Variants in FUT8 observed in about 807,000 individuals in gnomAD.
FUT8 encodes alpha-(1,6)-fucosyltransferase.
In FUT8, 29 loss-of-function variants were observed where a neutral mutation model predicts 71.3. The observed-to-expected ratio is 0.41, with a 90% CI of 0.30 to 0.55. The LOEUF (loss-of-function observed/expected upper bound fraction) is 0.55, where lower values mean the gene tolerates loss of function less well. Ranked by LOEUF, FUT8 falls within the 20% of genes least tolerant of loss-of-function variation. The pLI is 0.34. For missense variants in FUT8, 544 were observed against 702.1 expected (o/e 0.77, Z 2.55); for synonymous variants, 254 against 239.3 (o/e 1.06, Z -0.57).
rs1351526423 is a variant in FUT8, at chr14:65,550,586, T to C, written c.-227-10751T>C. On this transcript the variant is annotated intron_variant, in intron 2 of 10. Transcript: ENST00000673929. This position sits in a 1 kb window ranked among gnomAD's most constrained non-coding sequence, Gnocchi z 4.5. Reference sequence around the variant, plus strand: ...AATTGTTAAGTTGAGCCATTGTTAATTTGAGGACCATCTATATGATATTTT... The same window carrying C: ...AATTGTTAAGTTGAGCCATTGTTAACTTGAGGACCATCTATATGATATTTT... Among the ~76,000 whole-genome samples the C allele has an allele frequency of 6.6e-6, 1 of 152,222 alleles. No homozygotes were observed. Among genetic ancestry groups the C allele is most frequent in the Non-Finnish European group, 1.5e-5 (1 of 68,036 alleles).
At chr14:65,477,058 TGAA>T (rs1381776432) in intron 2 of FUT8, among the ~76,000 whole-genome samples, 1 of 152,206 alleles carries the variant, frequency 6.6e-6, no homozygotes, top group African/African-American at 2.4e-5. Context: ...TTGGCACTCT[TGAA>T]GATTCTGAGT....
chr14:65,466,716 C>T (rs1452120178), intron 2 of FUT8, among the ~76,000 whole-genome samples: 1 of 151,970 alleles, frequency 6.6e-6, no homozygotes, highest in Admixed American at 6.6e-5. Flanking sequence ...CACTACTGCA[C>T]CCTAGTCTGG....
intron 7 of FUT8, among the ~76,000 whole-genome samples, chr14:65,715,679 A>C (rs1017253997): frequency 6.6e-6 from 1 of 152,178 alleles, no homozygotes; most frequent in Non-Finnish European, 1.5e-5. Context: ...TGTTTCAAGA[A>C]ATTTTTTTAA....
intron 2 of FUT8, among the ~76,000 whole-genome samples, chr14:65,534,549 C>CTTTTTTTTT (rs71126760): frequency 8.2e-6 from 1 of 122,216 alleles, no homozygotes; most frequent in Non-Finnish European, 1.7e-5. Flanking sequence ...GGCTGTTTTT[C>CTTTTTTTTT]TTTTTTTTTT....
Position 65,561,658 on chromosome 14 carries a change from A to G in FUT8, c.95A>G (p.Asp32Gly). The change falls in exon 3 of 11, where the codon GAT (aspartate) becomes GGT (glycine). Residue 32 changes from aspartate to glycine, a missense_variant. By Grantham distance (94) the Asp-to-Gly change is moderately conservative. Transcript: ENST00000673929. ...TATATAGGTGGTCACTTGGTACGAG[A>G]TAATGACCATCCTGATCACTCTAGC... ...LFYIGGHLVR[D>G]NDHPDHSSRE... The G allele has an allele frequency of 6.2e-7, 1 of 1,613,534 alleles. No individual in the cohort carries two copies. Among genetic ancestry groups the G allele is most frequent in the East Asian group, 2.2e-5 (1 of 44,872 alleles).
upstream of FUT8, among the ~76,000 whole-genome samples, chr14:65,410,305 A>G (rs1164733936): frequency 6.6e-6 from 1 of 152,184 alleles, no homozygotes; most frequent in Non-Finnish European, 1.5e-5. Flanking sequence ...CTTAATGTGT[A>G]AAGACTTGTT....
intron 6 of FUT8, among the ~76,000 whole-genome samples, chr14:65,665,037 C>T (rs1892143022): frequency 6.6e-6 from 1 of 151,940 alleles, no homozygotes; most frequent in Non-Finnish European, 1.5e-5. Context: ...TAAAAAGTGG[C>T]ATAATACTTC....
the FUT8 span, among the ~76,000 whole-genome samples, chr14:65,387,815 T>C: frequency 6.6e-6 from 1 of 152,222 alleles, no homozygotes; most frequent in Admixed American, 6.5e-5. Flanking sequence ...TTGTATATTT[T>C]ATCTCATTTT....
At chr14:65,658,097 A>C (rs745827943) in intron 6 of FUT8, among the ~76,000 whole-genome samples, 8 of 152,162 alleles carry the variant, frequency 5.3e-5, no homozygotes, top group Non-Finnish European at 1.0e-4. Context: ...ACAATGTATT[A>C]AGAACTCTCC....
intron 2 of FUT8, among the ~76,000 whole-genome samples, chr14:65,527,023 A>G (rs1431928773): frequency 6.6e-6 from 1 of 152,164 alleles, no homozygotes; most frequent in African/African-American, 2.4e-5. Flanking sequence ...ACTTTGGTGA[A>G]TCTGACAATT....
intron 6 of FUT8, among the ~76,000 whole-genome samples, chr14:65,641,594 T>G (rs1376718197): frequency 1.3e-5 from 2 of 152,072 alleles, no homozygotes; most frequent in Non-Finnish European, 2.9e-5. Context: ...TTGAACTGTT[T>G]ACAAAAGTGA....
At chr14:65,464,897 TATC>T (rs1240810826) in intron 2 of FUT8, among the ~76,000 whole-genome samples, 3 of 152,266 alleles carry the variant, frequency 2.0e-5, no homozygotes, top group Non-Finnish European at 4.4e-5. Flanking sequence ...AGAATATTGG[TATC>T]ATCTGTTCCT....
intron 6 of FUT8, among the ~76,000 whole-genome samples, chr14:65,650,081 G>C (rs1401786306): frequency 1.3e-5 from 2 of 151,922 alleles, no homozygotes; most frequent in African/African-American, 2.4e-5. Context: ...CGGATCACGA[G>C]GTCAGGAGAT....
chr14:65,390,919 G>T, the FUT8 span, among the ~76,000 whole-genome samples: 26 of 152,074 alleles, frequency 1.7e-4, no homozygotes, highest in African/African-American at 6.3e-4. Context: ...GTAGAGACAG[G>T]GTTTCACCGT....
intron 3 of FUT8, among the ~76,000 whole-genome samples, chr14:65,600,761 A>C (rs1440360324): frequency 2.6e-5 from 4 of 152,198 alleles, no homozygotes; most frequent in Non-Finnish European, 1.5e-5. Context: ...AGCATATGGA[A>C]TGAGCAAATA....
At position 65,497,784 on chromosome 14, in the gene FUT8, G is replaced by C. The variant is rs57283810; in HGVS notation, c.-228+42066G>C. Among the ~76,000 whole-genome samples the C allele has an allele frequency of 7.8e-3, 1,182 of 151,998 alleles. 9 individuals are homozygous for C. Among genetic ancestry groups the C allele is most frequent in the African/African-American group, 0.024 (984 of 41,466 alleles). ...TTTTATTCAGTTATTCAAACAAAAT[G>C]ATTGTTGAGACTATGAGTAAAATAG... is the stretch of plus-strand genomic sequence containing the variant. On this transcript the variant is annotated intron_variant, in intron 2 of 10. Transcript: ENST00000673929.
chr14:65,694,968 C>T (rs1404554043), intron 7 of FUT8, among the ~76,000 whole-genome samples: 1 of 151,872 alleles, frequency 6.6e-6, no homozygotes, highest in African/African-American at 2.4e-5. Flanking sequence ...GGGTGCAGCA[C>T]ACCAGCATGT....
Position 65,630,484 on chromosome 14 carries a change from C to T in FUT8, c.597+878C>T, listed in dbSNP as rs568451524. The stretch of plus-strand genomic sequence containing the variant: ...CACAACCTGCTTTTGAAATGTTTTA[C>T]ATACAAAAGTGGTATGAGAGTGGTA... On this transcript the variant is annotated intron_variant, in intron 6 of 10. Transcript: ENST00000673929. Among the ~76,000 whole-genome samples the T allele has an allele frequency of 2.6e-5, 4 of 152,244 alleles. No homozygotes were observed. The East Asian group carries it at 7.7e-4, about 29-fold the overall frequency.
In FUT8 at chr14:65,611,197, ACGCGCGCGCGCGCGCGCGCGCG is replaced by A. The variant is rs112404723; in HGVS notation, c.204-4775_204-4754del. On this transcript the variant is annotated intron_variant, in intron 3 of 10. Transcript: ENST00000673929. ...TTTTAAGTGTCATACACACACACAC[ACGCGCGCGCGCGCGCGCGCGCG>A]CGCGCACACACACACACACACACAC... 1.6e-4 allele frequency among the ~76,000 whole-genome samples: 10 copies of A among 61,344 alleles called. 1 individual carries two copies. Among genetic ancestry groups the A allele is most frequent in the African/African-American group, 5.9e-4 (8 of 13,560 alleles). 40.2% of individuals were successfully genotyped at this position (61,344 alleles called of 152,430 possible).
Sources: allele counts gnomAD v4.1 joint callset (sites outside exome capture counted in the v4.1 genomes callset), GRCh38; gene constraint gnomAD v4.1.1; non-coding constraint Gnocchi (gnomAD v3.1); transcripts MANE v1.5; gene names NCBI Gene and HGNC (gene_info 2026-07-23, HGNC 2026-07-21).